The following ADAM10 variants were observed in gnomAD, a reference collection of about 807,000 sequenced individuals.
ADAM10 encodes the protein disintegrin and metalloproteinase domain-containing protein 10.
Under a neutral mutation model 90.1 loss-of-function variants are expected in ADAM10, and 17 were observed. The ratio of observed to expected loss-of-function variants is 0.19; its 90% CI spans 0.13 to 0.28. ADAM10 has a LOEUF of 0.28. ADAM10 is among the 10% of genes least tolerant of loss of function. The pLI, the probability that ADAM10 is intolerant of heterozygous loss-of-function variation, is 1.00. For synonymous variants in ADAM10, 310 were observed against 298.6 expected, an observed-to-expected ratio of 1.04 and a Z score of -0.40; for missense variants, 610 against 914.3, an observed-to-expected ratio of 0.67 and a Z score of 4.29.
chr15:58,637,834 G>A (rs756678466), intron 8 of ADAM10, among the ~76,000 whole-genome samples: 1 of 151,916 alleles, frequency 6.6e-6, no homozygotes, highest in Non-Finnish European at 1.5e-5. Context: ...TGGTCACAAA[G>A]TTTCTGAACA....
intron 2 of ADAM10, among the ~76,000 whole-genome samples, chr15:58,690,530 A>G (rs1282851320): frequency 1.3e-5 from 2 of 152,226 alleles, no homozygotes; most frequent in Admixed American, 6.5e-5. Context: ...ACAACAAAAA[A>G]ACAGGATATA....
rs760123663 is a variant in ADAM10 at position 58,611,952 on chromosome 15, G to A, written c.1551C>T (p.Phe517=). Residue 517 remains phenylalanine (F), a synonymous_variant, in exon 12 of 16, where the codon TTC becomes TTT. Transcript: ENST00000260408. ...QGPCCTAQCA[F]KSKSEKCRDD... is the part of the protein sequence containing the mutation. ...CCCGACACTTCTCAGACTTTGACTT[G>A]AATGCACACTGTGCTGTACAACAAG... 2.5e-6 allele frequency: 4 copies of A among 1,614,144 alleles called. No individual in the cohort carries two copies. Among genetic ancestry groups the A allele is most frequent in the Non-Finnish European group, 3.4e-6 (4 of 1,180,024 alleles).
intron 2 of ADAM10, among the ~76,000 whole-genome samples, chr15:58,715,759 C>T (rs1176934126): frequency 6.6e-6 from 1 of 152,164 alleles, no homozygotes. Flanking sequence ...CACTCACTGA[C>T]ACACACACAA....
chr15:58,709,667 G>A (rs1284085514), intron 2 of ADAM10, among the ~76,000 whole-genome samples: 1 of 152,134 alleles, frequency 6.6e-6, no homozygotes, highest in African/African-American at 2.4e-5. Context: ...GTGAACCCAG[G>A]TGGCAGAGGT....
rs576297094 is a variant in ADAM10, at chr15:58,737,377, A to G, written c.55+12103T>C. 5.9e-5 allele frequency among the ~76,000 whole-genome samples: 9 copies of G among 152,276 alleles called. No homozygotes were observed. The South Asian group carries it at 1.9e-3, about 32-fold the overall frequency. ...TCCAAAAAATAAAATACCTTCTATAAAGAACCTGACTGACTAAAAGGCAAA... is the reference window on the plus strand; with the variant it reads ...TCCAAAAAATAAAATACCTTCTATAGAGAACCTGACTGACTAAAAGGCAAA... On this transcript the variant is annotated intron_variant, in intron 1 of 15. Coordinates refer to ENST00000260408, the MANE Select transcript of ADAM10 (RefSeq NM_001110.4).
intron 5 of ADAM10, among the ~76,000 whole-genome samples, chr15:58,657,936 G>GA (rs1336085969): frequency 3.3e-5 from 5 of 150,748 alleles, no homozygotes; most frequent in African/African-American, 4.9e-5. Context: ...TACTATTCTG[G>GA]AAAAAAGCCT....
chr15:58,666,344 T>C lies in ADAM10; in HGVS notation c.485-1147A>G, dbSNP rs1167129136. 5.9e-5 allele frequency among the ~76,000 whole-genome samples: 9 copies of C among 151,444 alleles called. No individual in the cohort carries two copies. The East Asian group carries it at 1.8e-3, about 30-fold the overall frequency. ...TGTAACTATGAAAGAGAGAAGCTCC[T>C]CCTGAAGCTGAATGAGGCTAAAGAA... On this transcript the variant is annotated intron_variant, in intron 4 of 15. Transcript: ENST00000260408.
At chr15:58,677,218 C>A (rs1262125671) in intron 4 of ADAM10, among the ~76,000 whole-genome samples, 1 of 152,138 alleles carries the variant, frequency 6.6e-6, no homozygotes, top group Non-Finnish European at 1.5e-5. Context: ...AATAAAATCA[C>A]CTTAAAGATT....
intron 2 of ADAM10, 66 bp downstream of exon 2, chr15:58,717,511 A>T (rs1340055077): frequency 6.3e-7 from 1 of 1,598,256 alleles, no homozygotes; most frequent in African/African-American, 1.3e-5. Flanking sequence ...AAGGATATAA[A>T]TCTCCTCTTT....
chr15:58,742,332 G>C (rs1361934625), intron 1 of ADAM10, among the ~76,000 whole-genome samples: 3 of 152,134 alleles, frequency 2.0e-5, no homozygotes, highest in Non-Finnish European at 2.9e-5. Flanking sequence ...AAGTGGAGGA[G>C]AGCTCCTTAA....
intron 14 of ADAM10, among the ~76,000 whole-genome samples, chr15:58,601,597 G>A (rs1244501097): frequency 6.6e-6 from 1 of 152,104 alleles, no homozygotes; most frequent in Non-Finnish European, 1.5e-5. Flanking sequence ...TGGTTTCCTA[G>A]ATAACAAGAC....
chr15:58,728,374 C>T lies in ADAM10; in HGVS notation c.56-10647G>A, dbSNP rs142474814. On this transcript the variant is annotated intron_variant, in intron 1 of 15. Coordinates refer to ENST00000260408, the MANE Select transcript of ADAM10 (RefSeq NM_001110.4). ...ATATACTTCTCAAAATTTATGAATT[C>T]GTACACTTAAAAAATTGTTGAATTT... Among the ~76,000 whole-genome samples, 211 of 152,034 alleles carry T rather than the reference C, an allele frequency of 1.4e-3. 1 individual carries two copies. Among genetic ancestry groups the T allele is most frequent in the African/African-American group, 4.5e-3 (187 of 41,480 alleles).
intron 12 of ADAM10, 93 bp from the exon 13 acceptor site, chr15:58,611,200 C>G: frequency 1.1e-6 from 1 of 872,230 alleles, no homozygotes. Context: ...CTTCCAATGT[C>G]AAAATATTTA....
chr15:58,710,075 C>T (rs1014243897), intron 2 of ADAM10, among the ~76,000 whole-genome samples: 2 of 151,970 alleles, frequency 1.3e-5, no homozygotes, highest in African/African-American at 2.4e-5. Context: ...GTTAGGAGAT[C>T]GAGACCATCC....
chr15:58,629,224 A>G (rs1896031495), intron 9 of ADAM10: 1 of 152,252 alleles, frequency 6.6e-6, no homozygotes. Context: ...AAAAATATAA[A>G]GATGAGAAAA....
At chr15:58,689,952 C>CCCAA (rs1555418398) in intron 2 of ADAM10, among the ~76,000 whole-genome samples, 12 of 108,928 alleles carry the variant, frequency 1.1e-4, no homozygotes, top group Non-Finnish European at 1.5e-4. Flanking sequence ...AGACCCCCCC[C>CCCAA]AAAAAAAAAA....
At chr15:58,633,457 A>AG in intron 8 of ADAM10, 98 bp from the exon 9 acceptor site, 8 of 1,076,392 alleles carry the variant, frequency 7.4e-6, no homozygotes, top group Non-Finnish European at 1.1e-5. Context: ...TTTATATTTT[A>AG]ATCTAAAATA....
intron 2 of ADAM10, among the ~76,000 whole-genome samples, chr15:58,713,884 C>T (rs1365250302): frequency 6.6e-6 from 1 of 151,564 alleles, no homozygotes; most frequent in East Asian, 1.9e-4. Flanking sequence ...GTGATCTCGG[C>T]TCACTGCAAC....
At chr15:58,654,136 G>A (rs886433237) in intron 5 of ADAM10, among the ~76,000 whole-genome samples, 15 of 150,254 alleles carry the variant, frequency 1.0e-4, no homozygotes, top group East Asian at 3.9e-4. Flanking sequence ...TTTTGTTTAC[G>A]ATTTCAAAAA....
Sources: allele counts gnomAD v4.1 joint callset (sites outside exome capture counted in the v4.1 genomes callset), GRCh38; gene constraint gnomAD v4.1.1; transcripts MANE v1.5; gene names NCBI Gene and HGNC (gene_info 2026-07-23, HGNC 2026-07-21).